The following PIH1D2 variants were observed in gnomAD, a reference collection of about 807,000 sequenced individuals.
PIH1D2 encodes PIH1 domain-containing protein 2.
Under a neutral mutation model 31.2 loss-of-function variants are expected in PIH1D2, and 25 were observed. The ratio of observed to expected loss-of-function variants is 0.80; its 90% CI spans 0.58 to 1.12. The LOEUF is 1.12. PIH1D2 is among the 50% of genes most tolerant of loss of function. PIH1D2 has a pLI of 0.00. For missense variants in PIH1D2, 310 were observed against 356.6 expected (o/e 0.87, Z 1.05); for synonymous variants, 116 against 119.9 (o/e 0.97, Z 0.21).
At chr11:112,054,257 A>G in the PIH1D2 span, among the ~76,000 whole-genome samples, 3 of 152,180 alleles carry the variant, frequency 2.0e-5, no homozygotes, top group South Asian at 6.2e-4. Flanking sequence ...CGGAGGTTGC[A>G]GTGAGCTGGG....
At position 112,072,862 on chromosome 11, in the gene PIH1D2, C is replaced by CA. The variant is rs1489381290; in HGVS notation, c.177+135dup. On this transcript the variant is annotated intron_variant, in intron 2 of 5. Transcript: ENST00000280350. ...CTGGTGACAAAGTAAGACTCTGTCT[C>CA]AAAAAACAAAACAAAACAAAACAAA... is the stretch of plus-strand genomic sequence containing the variant. 6.9e-6 allele frequency: 7 copies of CA among 1,017,790 alleles called. No homozygotes were observed. In the East Asian group the frequency reaches 1.4e-4, roughly 20 times the overall value. The allele number at this position is 1,017,790 out of a possible 1,614,324, so 63.0% of individuals were successfully genotyped here. A position where few individuals can be genotyped will look rare whatever the true frequency, so the allele number is the denominator to read the frequency against.
At chr11:112,067,685 A>AAAAAAATATATATATATATAT, downstream of PIH1D2, 3 of 17,806 alleles carry the variant, frequency 1.7e-4, no homozygotes, top group African/African-American at 3.5e-4. Flanking sequence ...AAAAAAAAAA[A>AAAAAAATATATATATATATAT]ATATATATAT....
the PIH1D2 span, among the ~76,000 whole-genome samples, chr11:112,053,441 G>T: frequency 2.0e-5 from 3 of 150,816 alleles, no homozygotes; most frequent in Non-Finnish European, 4.4e-5. Context: ...ACAACTGTTT[G>T]TTTTTTTTTG....
chr11:112,058,624 G>GGT (rs1555182842), downstream of PIH1D2, among the ~76,000 whole-genome samples: 1 of 68,814 alleles, frequency 1.5e-5, no homozygotes, highest in East Asian at 8.7e-4. Flanking sequence ...GAAGGGGGGG[G>GGT]TGGGGGGGGG....
chr11:112,066,709 A>G (rs970295031), downstream of PIH1D2, among the ~76,000 whole-genome samples: 7 of 151,934 alleles, frequency 4.6e-5, no homozygotes, highest in African/African-American at 1.7e-4. Flanking sequence ...AAGTCTATAT[A>G]TGATACTAAA....
chr11:112,070,301 G>A (rs1168123406), intron 5 of PIH1D2, 135 bp downstream of exon 5: 1 of 1,033,884 alleles, frequency 9.7e-7, no homozygotes, highest in South Asian at 1.6e-5. Context: ...CATCTCAGAA[G>A]GGAATTGCTC....
downstream of PIH1D2, chr11:112,064,118 G>A: frequency 7.2e-7 from 1 of 1,394,724 alleles, no homozygotes; most frequent in African/African-American, 1.5e-5. Context: ...AAAGAAACAA[G>A]CTTATCACAA....
the PIH1D2 span, among the ~76,000 whole-genome samples, chr11:112,055,278 C>G: frequency 8.6e-6 from 1 of 116,448 alleles, no homozygotes; most frequent in Non-Finnish European, 1.6e-5. Context: ...GAGTCCTGCT[C>G]TGTCGCCCAG....
At chr11:112,059,073 A>C (rs1592727314), downstream of PIH1D2, among the ~76,000 whole-genome samples, 2 of 150,538 alleles carry the variant, frequency 1.3e-5, no homozygotes, top group Admixed American at 6.6e-5. Flanking sequence ...AAAGATTGGG[A>C]CCCCTTACTT....
intron 5 of PIH1D2, among the ~76,000 whole-genome samples, chr11:112,068,271 T>C (rs1453679311): frequency 1.3e-5 from 2 of 152,300 alleles, no homozygotes; most frequent in East Asian, 1.9e-4. Context: ...AGGAAACTTA[T>C]TGGAGCCTGG....
chr11:112,054,776 C>G, the PIH1D2 span, among the ~76,000 whole-genome samples: 1 of 152,178 alleles, frequency 6.6e-6, no homozygotes, highest in Non-Finnish European at 1.5e-5. Context: ...ATCAGGGTTT[C>G]AGCAGGGGCA....
chr11:112,062,310 T>G, downstream of PIH1D2: 1 of 1,297,186 alleles, frequency 7.7e-7, no homozygotes, highest in Non-Finnish European at 1.1e-6. Context: ...TATTACCTGG[T>G]TGGGATTATA....
downstream of PIH1D2, among the ~76,000 whole-genome samples, chr11:112,059,048 G>A (rs587627123): frequency 6.5e-4 from 98 of 149,694 alleles, no homozygotes; most frequent in African/African-American, 2.3e-3. Context: ...ATCTGATATT[G>A]TGTAAAAAAA....
chr11:112,064,972 C>T (rs1864867948), downstream of PIH1D2, among the ~76,000 whole-genome samples: 1 of 151,638 alleles, frequency 6.6e-6, no homozygotes, highest in South Asian at 2.1e-4. Flanking sequence ...TCCTGAGTAG[C>T]TGAGATTACA....
intron 5 of PIH1D2, among the ~76,000 whole-genome samples, 200 bp from the exon 6 acceptor site, chr11:112,068,205 C>T (rs1056830063): frequency 6.6e-6 from 1 of 152,112 alleles, no homozygotes; most frequent in African/African-American, 2.4e-5. Flanking sequence ...TTAACTGATA[C>T]AGTACCACAG....
chr11:112,058,337 G>A (rs1251733044), downstream of PIH1D2, among the ~76,000 whole-genome samples: 1 of 152,086 alleles, frequency 6.6e-6, no homozygotes, highest in African/African-American at 2.4e-5. Context: ...AGTCATACAC[G>A]GTATTTTTAT....
chr11:112,072,856 CTG>C (rs1262771303), intron 2 of PIH1D2, 140 bp downstream of exon 2: 2 of 952,702 alleles, frequency 2.1e-6, no homozygotes, highest in Non-Finnish European at 3.0e-6. Context: ...AAGTAAGACT[CTG>C]TCTCAAAAAA....
At chr11:112,062,724 A>G, downstream of PIH1D2, 1 of 634,380 alleles carries the variant, frequency 1.6e-6, no homozygotes. Context: ...AATATTGTGC[A>G]CATTTAATAA....
intron 5 of PIH1D2, among the ~76,000 whole-genome samples, chr11:112,068,581 C>T (rs1299379885): frequency 1.3e-5 from 2 of 151,932 alleles, no homozygotes; most frequent in Non-Finnish European, 2.9e-5. Flanking sequence ...GCCAGGAGTT[C>T]GAGACCAACA....
Sources: allele counts gnomAD v4.1 joint callset (sites outside exome capture counted in the v4.1 genomes callset), GRCh38; gene constraint gnomAD v4.1.1; transcripts MANE v1.5; gene names NCBI Gene and HGNC (gene_info 2026-07-23, HGNC 2026-07-21).